Variants in TMEM132B observed in about 807,000 individuals in gnomAD.
The protein encoded by TMEM132B is transmembrane protein 132B.
TMEM132B carries 18 observed loss-of-function variants against 90.8 expected under a neutral mutation model. That is an observed-to-expected ratio of 0.20 (90% confidence interval 0.14 to 0.29). The LOEUF is 0.29. TMEM132B is among the 10% of genes least tolerant of loss of function. The pLI, the probability that TMEM132B is intolerant of heterozygous loss-of-function variation, is 1.00. For missense variants in TMEM132B, 1,096 were observed against 1,326.8 expected, an observed-to-expected ratio of 0.83 and a Z score of 2.70; for synonymous variants, 504 against 523.3, an observed-to-expected ratio of 0.96 and a Z score of 0.50.
intron 1 of TMEM132B, among the ~76,000 whole-genome samples, chr12:125,335,613 C>T (rs965945485): frequency 1.3e-5 from 2 of 152,176 alleles, no homozygotes; most frequent in South Asian, 2.1e-4. Context: ...CTGATCTCAC[C>T]GTGACATGGA....
rs148011898 is a variant in TMEM132B, at chr12:125,350,101, G to A, written c.717G>A (p.Glu239=). 1.1e-5 allele frequency: 18 copies of A among 1,614,252 alleles called. No individual in the cohort carries two copies. In the African/African-American group the frequency reaches 2.3e-4, roughly 20 times the overall value. Reference sequence around the variant, plus strand: ...AGGCTGGCCAGTGTCCTCTGGAGGAGGAAGGCAAGTGGGAGAACAATATCC... The same window carrying A: ...AGGCTGGCCAGTGTCCTCTGGAGGAAGAAGGCAAGTGGGAGAACAATATCC... ...ADKAGQCPLE[E]EGKWENNIHS... The change falls in exon 2 of 9, where the codon GAG becomes GAA. Residue 239 remains glutamate, a synonymous_variant. Transcript: ENST00000682704.
chr12:125,299,205 A>AC (rs1565996221), intron 1 of TMEM132B, among the ~76,000 whole-genome samples: 1 of 151,840 alleles, frequency 6.6e-6, no homozygotes, highest in Non-Finnish European at 1.5e-5. Flanking sequence ...ATGAGGCTGT[A>AC]CCCCCCACTG....
intron 1 of TMEM132B, among the ~76,000 whole-genome samples, chr12:125,300,006 C>T (rs1248662898): frequency 6.6e-6 from 1 of 152,240 alleles, no homozygotes; most frequent in Non-Finnish European, 1.5e-5. Context: ...CAGGGTCTGG[C>T]TCCCAGCTGT....
intron 2 of TMEM132B, among the ~76,000 whole-genome samples, chr12:125,377,005 C>T (rs1214988902): frequency 6.6e-6 from 1 of 152,202 alleles, no homozygotes; most frequent in Non-Finnish European, 1.5e-5. Context: ...CGGGACAGGG[C>T]AGGCTGGTAA....
At chr12:125,566,244 C>T (rs1204172101) in intron 4 of TMEM132B, among the ~76,000 whole-genome samples, 1 of 152,156 alleles carries the variant, frequency 6.6e-6, no homozygotes, top group Admixed American at 6.5e-5. Context: ...CCTTTTGTTT[C>T]CTCTGAACAA....
chr12:125,270,245 TC>T (rs1338985112), intron 1 of TMEM132B, among the ~76,000 whole-genome samples: 2 of 151,696 alleles, frequency 1.3e-5, no homozygotes, highest in East Asian at 3.9e-4. Flanking sequence ...CAAGCCATCC[TC>T]CCACCTCAGC....
At chr12:125,474,160 CTCTT>C (rs1881806666) in intron 3 of TMEM132B, among the ~76,000 whole-genome samples, 1 of 149,086 alleles carries the variant, frequency 6.7e-6, no homozygotes, top group African/African-American at 2.5e-5. Flanking sequence ...CCTTCTTTTT[CTCTT>C]TCTCTCTTCC....
intron 3 of TMEM132B, among the ~76,000 whole-genome samples, chr12:125,425,825 A>AT (rs1880302270): frequency 6.6e-6 from 1 of 152,170 alleles, no homozygotes; most frequent in Non-Finnish European, 1.5e-5. Context: ...GCCTGGATGG[A>AT]CCACAGTTTA....
chr12:125,225,110 A>G (rs1226197077), intron 1 of TMEM132B, among the ~76,000 whole-genome samples: 1 of 152,224 alleles, frequency 6.6e-6, no homozygotes, highest in Non-Finnish European at 1.5e-5. Context: ...ACACATTCAC[A>G]CACCCACAGT....
In TMEM132B at chr12:125,407,510, G is replaced by C. The variant is rs553788930; in HGVS notation, c.960-8021G>C. On this transcript the variant is annotated intron_variant, in intron 2 of 8. Coordinates refer to ENST00000682704, the MANE Select transcript of TMEM132B (RefSeq NM_001366854.1). This position sits in a 1 kb window ranked among gnomAD's most constrained non-coding sequence, Gnocchi z 6.7. ...AGTGAGATGGAGAAGGTGTGACCCC[G>C]TGCCCTGTCTGTCTGTCCCTGCTGG... Among the ~76,000 whole-genome samples the C allele has an allele frequency of 6.6e-6, 1 of 152,302 alleles. No individual in the cohort carries two copies. Among genetic ancestry groups the C allele is most frequent in the African/African-American group, 2.4e-5 (1 of 41,574 alleles).
At chr12:125,222,248 T>A (rs1873575784) in intron 1 of TMEM132B, among the ~76,000 whole-genome samples, 1 of 152,232 alleles carries the variant, frequency 6.6e-6, no homozygotes, top group African/African-American at 2.4e-5. Flanking sequence ...TGTTTGTTGC[T>A]TATTTTTATC....
chr12:125,222,726 T>C (rs1241427643), intron 1 of TMEM132B, among the ~76,000 whole-genome samples: 2 of 152,208 alleles, frequency 1.3e-5, no homozygotes, highest in African/African-American at 4.8e-5. Context: ...GTCCTGGGAA[T>C]TGTAGGATGT....
intron 3 of TMEM132B, among the ~76,000 whole-genome samples, chr12:125,472,754 C>T (rs542533808): frequency 6.6e-6 from 1 of 152,274 alleles, no homozygotes; most frequent in South Asian, 2.1e-4. Context: ...AAGGCACCAC[C>T]TGTGAGGAAC....
chr12:125,622,274 T>A (rs1203177574), intron 5 of TMEM132B, among the ~76,000 whole-genome samples: 1 of 152,232 alleles, frequency 6.6e-6, no homozygotes, highest in Non-Finnish European at 1.5e-5. Flanking sequence ...ATTACAGATA[T>A]GTTAGATGAG....
chr12:125,385,707 C>T (rs1430164932), intron 2 of TMEM132B, among the ~76,000 whole-genome samples: 1 of 152,180 alleles, frequency 6.6e-6, no homozygotes, highest in Non-Finnish European at 1.5e-5. Flanking sequence ...ATCTAAACAA[C>T]AGTCTAGTGA....
At chr12:125,411,273 C>T (rs182676088) in intron 2 of TMEM132B, among the ~76,000 whole-genome samples, 22 of 150,172 alleles carry the variant, frequency 1.5e-4, no homozygotes, top group Non-Finnish European at 3.1e-4. Flanking sequence ...GAAAACCAAA[C>T]ACCGCGTGTT....
intron 2 of TMEM132B, 128 bp downstream of exon 2, chr12:125,350,471 G>A (rs1877533663): frequency 2.6e-6 from 3 of 1,161,328 alleles, no homozygotes; most frequent in East Asian, 4.7e-5. Context: ...GGTCATTAAA[G>A]TGGTGAAAAC....
intron 5 of TMEM132B, among the ~76,000 whole-genome samples, chr12:125,608,142 A>G (rs1323524473): frequency 6.6e-6 from 1 of 152,118 alleles, no homozygotes; most frequent in African/African-American, 2.4e-5. Context: ...TAAATCCAAT[A>G]TTTTACATTT....
At chr12:125,243,032 T>TATATACAC (rs1215676534) in intron 1 of TMEM132B, among the ~76,000 whole-genome samples, 1 of 135,030 alleles carries the variant, frequency 7.4e-6, no homozygotes, top group Non-Finnish European at 1.6e-5. Context: ...TATATATATA[T>TATATACAC]ACACACACAC....
Sources: gnomAD v4.1 joint callset for allele counts (sites outside exome capture counted in the v4.1 genomes callset) on GRCh38, gnomAD v4.1.1 for gene constraint, Gnocchi (gnomAD v3.1) non-coding constraint, MANE v1.5 for transcripts, NCBI Gene and HGNC (gene_info 2026-07-23, HGNC 2026-07-21) for gene names.